Variants in ZHX2 observed in about 807,000 individuals in gnomAD.
ZHX2 encodes the protein zinc fingers and homeoboxes protein 2.
In ZHX2, 6 loss-of-function variants were observed where a neutral mutation model predicts 21.9. That is an observed-to-expected ratio of 0.27 (90% CI 0.15 to 0.54). The LOEUF (loss-of-function observed/expected upper bound fraction) is 0.54. Ranked by LOEUF, ZHX2 falls within the 20% of genes least tolerant of loss-of-function variation. The pLI, the probability that ZHX2 is intolerant of heterozygous loss-of-function variation, is 0.95. For missense variants in ZHX2, 908 were observed against 1,090.7 expected (o/e 0.83, Z 2.36); for synonymous variants, 434 against 437.1 (o/e 0.99, Z 0.09).
chr8:122,802,949 T>TCCCAC (rs1243185448), intron 1 of ZHX2, among the ~76,000 whole-genome samples: 1 of 146,124 alleles, frequency 6.8e-6, no homozygotes. Context: ...CTGCCCCCAC[T>TCCCAC]CCCACCCCAC....
At chr8:122,848,605 C>G (rs991204721) in intron 1 of ZHX2, among the ~76,000 whole-genome samples, 7 of 152,178 alleles carry the variant, frequency 4.6e-5, no homozygotes, top group Non-Finnish European at 8.8e-5. Flanking sequence ...CACTGTCCAT[C>G]TCTGTTCAAA....
chr8:122,934,413 C>T (rs1812621344), intron 2 of ZHX2, among the ~76,000 whole-genome samples: 1 of 152,226 alleles, frequency 6.6e-6, no homozygotes, highest in Non-Finnish European at 1.5e-5. Flanking sequence ...CCACAAACGC[C>T]TTGTAACAGT....
intron 2 of ZHX2, among the ~76,000 whole-genome samples, chr8:122,911,207 G>A (rs927113530): frequency 1.3e-5 from 2 of 151,432 alleles, no homozygotes; most frequent in Non-Finnish European, 2.9e-5. Context: ...GCCACTGGTA[G>A]GATCTCTGCC....
Position 122,789,595 on chromosome 8 carries a change from G to A in ZHX2, c.-283+7649G>A, listed in dbSNP as rs138160595. 3.0e-4 allele frequency among the ~76,000 whole-genome samples: 45 copies of A among 152,366 alleles called. 1 individual carries two copies. The East Asian group carries it at 8.1e-3, about 27-fold the overall frequency. The stretch of plus-strand genomic sequence containing the variant: ...GTAGGGAGAGGCCAGGAGGCCAGGA[G>A]GCCAGCACTGGCGGTGATGGGGTGT... On this transcript the variant is annotated intron_variant, in intron 1 of 3. Transcript: ENST00000314393.
intron 1 of ZHX2, among the ~76,000 whole-genome samples, chr8:122,829,588 T>G (rs1301708271): frequency 1.3e-5 from 2 of 152,204 alleles, no homozygotes; most frequent in Non-Finnish European, 2.9e-5. Flanking sequence ...AAAAACATAT[T>G]TCTATTTGAG....
At chr8:122,824,990 C>T (rs1818232980) in intron 1 of ZHX2, among the ~76,000 whole-genome samples, 2 of 152,222 alleles carry the variant, frequency 1.3e-5, no homozygotes, top group Non-Finnish European at 2.9e-5. Flanking sequence ...CATTGACTCT[C>T]CTGCCTGGCT....
At chr8:122,923,574 GA>G (rs1563585863) in intron 2 of ZHX2, among the ~76,000 whole-genome samples, 1 of 152,144 alleles carries the variant, frequency 6.6e-6, no homozygotes, top group South Asian at 2.1e-4. Flanking sequence ...ATCTCTCAAT[GA>G]AAAAAGTGTC....
Position 122,952,304 on chromosome 8 carries a change from C to T in ZHX2, c.794C>T (p.Thr265Ile). The change falls in exon 3 of 4, where the codon ACC (threonine) becomes ATC (isoleucine). Residue 265 changes from threonine to isoleucine, a missense_variant. Thr to Ile is a moderately conservative substitution (Grantham distance 89). Around this residue, in one of 4 missense-constraint regions of ZHX2, gnomAD observed 232 missense variants for 361.8 expected, o/e 0.64. Transcript: ENST00000314393. This position sits in a 1 kb window ranked among gnomAD's most constrained non-coding sequence, Gnocchi z 6.9. ...VPKVPVPLNT[T>I]KYNSALDTNA... ...AAGGTCCCTGTCCCACTAAATACTA[C>T]CAAATACAACTCTGCCCTGGATACA... 6.2e-7 allele frequency: 1 copy of T among 1,614,150 alleles called. No homozygotes were observed. Among genetic ancestry groups the T allele is most frequent in the Non-Finnish European group, 8.5e-7 (1 of 1,180,040 alleles).
At position 122,926,841 on chromosome 8, in the gene ZHX2, G is replaced by A. The variant is rs183938034; in HGVS notation, c.-219-24451G>A. On this transcript the variant is annotated intron_variant, in intron 2 of 3. Transcript: ENST00000314393. ...CTCCGCTTCCCCCTGCTGCTGTCAC[G>A]TGGCCTTCTGCTCTTCTGTCTGGAA... is the stretch of plus-strand genomic sequence containing the variant. Among the ~76,000 whole-genome samples the A allele has an allele frequency of 4.6e-5, 7 of 152,146 alleles. No homozygotes were observed. The East Asian group carries it at 1.4e-3, about 29-fold the overall frequency.
intron 2 of ZHX2, among the ~76,000 whole-genome samples, chr8:122,870,494 C>A (rs1819404399): frequency 6.6e-6 from 1 of 151,538 alleles, no homozygotes; most frequent in Non-Finnish European, 1.5e-5. Context: ...AAAAAAATAG[C>A]TGGGCGTAGT....
At chr8:122,866,968 G>A (rs1009804989) in intron 2 of ZHX2, among the ~76,000 whole-genome samples, 1 of 150,576 alleles carries the variant, frequency 6.6e-6, no homozygotes, top group Admixed American at 6.6e-5. Flanking sequence ...GGGATTACAG[G>A]TGCCTGCCAC....
intron 2 of ZHX2, among the ~76,000 whole-genome samples, chr8:122,916,621 C>T (rs895989420): frequency 1.3e-5 from 2 of 152,134 alleles, no homozygotes; most frequent in South Asian, 2.1e-4. Flanking sequence ...ACTTGCTCAC[C>T]GTCTTGCTCT....
chr8:122,797,880 G>A (rs1260464645), intron 1 of ZHX2, among the ~76,000 whole-genome samples: 1 of 152,192 alleles, frequency 6.6e-6, no homozygotes, highest in South Asian at 2.1e-4. Context: ...CATAACAATA[G>A]TCACGCTAAT....
At chr8:122,895,199 C>T (rs1269404196) in intron 2 of ZHX2, among the ~76,000 whole-genome samples, 4 of 152,106 alleles carry the variant, frequency 2.6e-5, no homozygotes, top group Non-Finnish European at 5.9e-5. Flanking sequence ...AGGGGGCACA[C>T]GGGTGGTAGA....
chr8:122,961,843 C>T (rs1167716231), intron 3 of ZHX2, among the ~76,000 whole-genome samples: 1 of 152,118 alleles, frequency 6.6e-6, no homozygotes, highest in East Asian at 1.9e-4. Context: ...ACAATATCAC[C>T]CCTAGAGCAG....
rs754593942 is a variant in ZHX2, at chr8:122,953,856, C to T, written c.2346C>T (p.Ser782=). The T allele has an allele frequency of 5.3e-5, 85 of 1,614,014 alleles. No individual in the cohort carries two copies. The highest frequency in any genetic ancestry group is 4.1e-4 in the South Asian group (37 of 91,084). The change falls in exon 3 of 4, where the codon AGC becomes AGT. Residue 782 remains serine, a synonymous_variant. Coordinates refer to ENST00000314393, the MANE Select transcript of ZHX2 (RefSeq NM_014943.5). This position sits in a 1 kb window ranked among gnomAD's most constrained non-coding sequence, Gnocchi z 4.6. The part of the protein sequence containing the change: ...SEGSSRDGQG[S]DENEESSVVD... ...GCAGCAGCCGGGACGGCCAGGGTAGCGACGAGAACGAGGAGTCGAGCGTTG... is the reference window on the plus strand; with the variant it reads ...GCAGCAGCCGGGACGGCCAGGGTAGTGACGAGAACGAGGAGTCGAGCGTTG...
At chr8:122,901,677 T>G (rs918193369) in intron 2 of ZHX2, among the ~76,000 whole-genome samples, 1 of 152,176 alleles carries the variant, frequency 6.6e-6, no homozygotes, top group African/African-American at 2.4e-5. Context: ...AGCCTCAACA[T>G]TACTGACATT....
intron 2 of ZHX2, among the ~76,000 whole-genome samples, chr8:122,926,662 G>C (rs1474341944): frequency 6.6e-6 from 1 of 152,174 alleles, no homozygotes; most frequent in East Asian, 1.9e-4. Context: ...TCCTTACGAG[G>C]CATAGGCATC....
chr8:122,785,765 G>A (rs1219301088), intron 1 of ZHX2, among the ~76,000 whole-genome samples: 1 of 152,210 alleles, frequency 6.6e-6, no homozygotes, highest in Non-Finnish European at 1.5e-5. Context: ...GGGAGCAGTG[G>A]ACAGGTACCC....
Sources: gnomAD v4.1 joint callset for allele counts (sites outside exome capture counted in the v4.1 genomes callset) on GRCh38, gnomAD v4.1.1 for gene constraint, gnomAD v4.1.1 regional missense constraint, Gnocchi (gnomAD v3.1) non-coding constraint, MANE v1.5 for transcripts, NCBI Gene and HGNC (gene_info 2026-07-23, HGNC 2026-07-21) for gene names.